GPC6: variants seen among roughly 807,000 people sequenced by gnomAD.
The protein encoded by GPC6 is glypican-6.
GPC6 carries 14 observed loss-of-function variants against 55.2 expected under a neutral mutation model. The ratio of observed to expected loss-of-function variants is 0.25; its 90% CI spans 0.17 to 0.40. GPC6 has a LOEUF of 0.40. Ranked by LOEUF, GPC6 falls within the 10% of genes least tolerant of loss-of-function variation. The probability of loss-of-function intolerance (pLI) is 1.00; values close to 1 mark genes in which losing one functional copy is unlikely to be tolerated. For synonymous variants in GPC6, 278 were observed against 259.6 expected, an observed-to-expected ratio of 1.07 and a Z score of -0.68; for missense variants, 641 against 708.5, an observed-to-expected ratio of 0.90 and a Z score of 1.08.
intron 1 of GPC6, among the ~76,000 whole-genome samples, chr13:93,484,545 C>A (rs1318349856): frequency 1.3e-5 from 2 of 152,026 alleles, no homozygotes; most frequent in Admixed American, 6.6e-5. Flanking sequence ...GATAATACTT[C>A]CTTGCATATT....
At chr13:94,163,200 T>G (rs771732072) in intron 4 of GPC6, among the ~76,000 whole-genome samples, 7 of 152,188 alleles carry the variant, frequency 4.6e-5, no homozygotes, top group South Asian at 4.1e-4. Flanking sequence ...ATTTTTATTA[T>G]GGGAATTTTT....
At chr13:94,226,286 G>A (rs1210006243) in intron 4 of GPC6, among the ~76,000 whole-genome samples, 1 of 152,138 alleles carries the variant, frequency 6.6e-6, no homozygotes, top group Admixed American at 6.5e-5. Flanking sequence ...AGTGCTGGGG[G>A]CAGGGATGGG....
intron 3 of GPC6, among the ~76,000 whole-genome samples, chr13:93,867,044 G>T (rs1888986075): frequency 6.6e-6 from 1 of 151,646 alleles, no homozygotes; most frequent in South Asian, 2.1e-4. Flanking sequence ...CTTGTCCAGG[G>T]TTAGTGGTTG....
Position 94,233,501 on chromosome 13 carries a change from T to C in GPC6, c.878-52848T>C, listed in dbSNP as rs1890790387. Among the ~76,000 whole-genome samples, 3 of 152,154 alleles carry C rather than the reference T, an allele frequency of 2.0e-5. No homozygotes were observed. In the South Asian group the frequency reaches 6.2e-4, roughly 31 times the overall value. ...AATATTAAATGGAAAATTCCAGAAA[T>C]AAACAATGCATACGTTTTAAGTTTC... On this transcript the variant is annotated intron_variant, in intron 4 of 8. Coordinates refer to ENST00000377047, the MANE Select transcript of GPC6 (RefSeq NM_005708.5).
chr13:93,914,894 A>G (rs889605810), intron 3 of GPC6, among the ~76,000 whole-genome samples: 2 of 152,204 alleles, frequency 1.3e-5, no homozygotes, highest in African/African-American at 4.8e-5. Flanking sequence ...ATAATTCAAG[A>G]ATTTGAAATT....
intron 3 of GPC6, among the ~76,000 whole-genome samples, chr13:93,931,291 G>A (rs1463764082): frequency 6.6e-6 from 1 of 152,012 alleles, no homozygotes; most frequent in Non-Finnish European, 1.5e-5. Flanking sequence ...CATGACAACT[G>A]GATTTGGGCA....
chr13:93,701,793 G>A (rs1309213442), intron 2 of GPC6, among the ~76,000 whole-genome samples: 1 of 151,906 alleles, frequency 6.6e-6, no homozygotes, highest in Non-Finnish European at 1.5e-5. Flanking sequence ...AAGAAGAAAC[G>A]CCTCATCCTT....
intron 6 of GPC6, among the ~76,000 whole-genome samples, chr13:94,323,968 AT>A (rs1876975294): frequency 6.6e-6 from 1 of 152,176 alleles, no homozygotes. Context: ...TTCTCGGCAC[AT>A]TTAGGACTAG....
intron 3 of GPC6, among the ~76,000 whole-genome samples, chr13:93,976,407 A>G (rs914850451): frequency 6.6e-6 from 1 of 152,110 alleles, no homozygotes; most frequent in Non-Finnish European, 1.5e-5. Context: ...AAGAAATCAA[A>G]CATTGCTAGA....
chr13:94,164,669 T>A (rs1259520851), intron 4 of GPC6, among the ~76,000 whole-genome samples: 1 of 152,332 alleles, frequency 6.6e-6, no homozygotes, highest in South Asian at 2.1e-4. Flanking sequence ...ATAATTGGGA[T>A]GATTTCTACA....
intron 2 of GPC6, among the ~76,000 whole-genome samples, chr13:93,766,154 T>G (rs1420022549): frequency 6.6e-6 from 1 of 152,210 alleles, no homozygotes; most frequent in Non-Finnish European, 1.5e-5. Flanking sequence ...CCTATTCAAA[T>G]ATAAACTTTA....
intron 2 of GPC6, among the ~76,000 whole-genome samples, chr13:93,759,440 G>A (rs1390561217): frequency 6.6e-6 from 1 of 152,148 alleles, no homozygotes; most frequent in African/African-American, 2.4e-5. Context: ...GTTACTCTCA[G>A]TCGATATGAC....
chr13:93,554,228 C>T (rs1024619017), intron 2 of GPC6, among the ~76,000 whole-genome samples: 34 of 151,898 alleles, frequency 2.2e-4, no homozygotes, highest in African/African-American at 5.8e-4. Context: ...ATTGTACATA[C>T]GGAACAATGT....
intron 2 of GPC6, among the ~76,000 whole-genome samples, chr13:93,593,684 T>G (rs532821266): frequency 6.6e-6 from 1 of 152,266 alleles, no homozygotes; most frequent in Admixed American, 6.5e-5. Context: ...TTGAATACTC[T>G]TTGAACTCAA....
intron 6 of GPC6, among the ~76,000 whole-genome samples, chr13:94,353,326 A>T (rs548681319): frequency 6.6e-6 from 1 of 152,020 alleles, no homozygotes; most frequent in Admixed American, 6.5e-5. Flanking sequence ...CCAAAACCTA[A>T]TTTTTTTAGA....
intron 1 of GPC6, among the ~76,000 whole-genome samples, chr13:93,357,487 GGA>G (rs1466819199): frequency 6.6e-6 from 1 of 152,106 alleles, no homozygotes; most frequent in Non-Finnish European, 1.5e-5. Flanking sequence ...CCATCTCCAT[GGA>G]TAGATAACAC....
At chr13:93,723,883 A>G (rs995850760) in intron 2 of GPC6, among the ~76,000 whole-genome samples, 2 of 151,962 alleles carry the variant, frequency 1.3e-5, no homozygotes, top group Non-Finnish European at 2.9e-5. Flanking sequence ...TGTGTTGATA[A>G]TAAAGATCTC....
chr13:93,742,913 C>T (rs996142990), intron 2 of GPC6, among the ~76,000 whole-genome samples: 9 of 151,514 alleles, frequency 5.9e-5, no homozygotes, highest in African/African-American at 2.2e-4. Flanking sequence ...TACTTCAGAG[C>T]ATGTTTCACT....
chr13:93,297,027 T>G (rs1247281863), intron 1 of GPC6, among the ~76,000 whole-genome samples: 1 of 152,128 alleles, frequency 6.6e-6, no homozygotes, highest in Non-Finnish European at 1.5e-5. Context: ...TAGGCTGGAG[T>G]TAGACAGTGA....
Sources: allele counts gnomAD v4.1 joint callset (sites outside exome capture counted in the v4.1 genomes callset), GRCh38; gene constraint gnomAD v4.1.1; transcripts MANE v1.5; gene names NCBI Gene and HGNC (gene_info 2026-07-23, HGNC 2026-07-21).